SEMA6D: variants seen among roughly 807,000 people sequenced by gnomAD.
SEMA6D encodes semaphorin 6D.
Under a neutral mutation model 106.6 loss-of-function variants are expected in SEMA6D, and 35 were observed. The ratio of observed to expected loss-of-function variants is 0.33; its 90% CI spans 0.25 to 0.44. The LOEUF (loss-of-function observed/expected upper bound fraction) is 0.44, where lower values mean the gene tolerates loss of function less well. Among genes scored for constraint, SEMA6D ranks in the 20% least tolerant of loss-of-function variants. The probability of loss-of-function intolerance (pLI) is 1.00; values close to 1 mark genes in which losing one functional copy is unlikely to be tolerated. For missense variants in SEMA6D, 1,185 were observed against 1,345.9 expected (o/e 0.88, Z 1.87); for synonymous variants, 499 against 487.7 (o/e 1.02, Z -0.31).
chr15:47,285,909 T>C (rs1321117481), intron 1 of SEMA6D, among the ~76,000 whole-genome samples: 3 of 152,258 alleles, frequency 2.0e-5, no homozygotes, highest in Admixed American at 2.0e-4. Context: ...ACTAACTTAT[T>C]ACTAACATTT....
chr15:47,511,516 C>G lies in SEMA6D; in HGVS notation c.-87+40971C>G, dbSNP rs539015547. ...CTTCTCAGATCAGTTTTCACTACCC[C>G]CCTCCTGCCACATGTGTTAGGTTGC... is the stretch of plus-strand genomic sequence containing the variant. On this transcript the variant is annotated intron_variant, in intron 3 of 19. Transcript: ENST00000558014. Among the ~76,000 whole-genome samples, 11 of 152,228 alleles carry G rather than the reference C, an allele frequency of 7.2e-5. No individual in the cohort carries two copies. The East Asian group carries it at 9.7e-4, about 13-fold the overall frequency.
intron 1 of SEMA6D, among the ~76,000 whole-genome samples, chr15:47,297,463 G>T (rs2035850233): frequency 6.6e-6 from 1 of 152,046 alleles, no homozygotes; most frequent in Non-Finnish European, 1.5e-5. Flanking sequence ...CCACAAAAAT[G>T]TTCATAAAGA....
chr15:47,354,386 TGG>T (rs2038473595), intron 1 of SEMA6D, among the ~76,000 whole-genome samples: 5 of 107,552 alleles, frequency 4.6e-5, no homozygotes, highest in Non-Finnish European at 9.7e-5. Context: ...TATATATATA[TGG>T]AATATATATA....
chr15:47,258,397 C>T (rs2033912722), intron 1 of SEMA6D, among the ~76,000 whole-genome samples: 1 of 152,174 alleles, frequency 6.6e-6, no homozygotes, highest in African/African-American at 2.4e-5. Context: ...AAAAGGCTAG[C>T]ATTTGAATCA....
At position 47,763,969 on chromosome 15, in the gene SEMA6D, T is replaced by C; in HGVS notation, c.867T>C (p.Asp289=). The change falls in exon 10 of 19, where the codon GAT becomes GAC. Residue 289 remains aspartate, a synonymous_variant. Transcript: ENST00000536845. Reference sequence around the variant, plus strand: ...GGCTGAACTGTTCTGTCCCTGGAGATTCGTTTTTCTACTTTGATGTTCTGC... The same window carrying C: ...GGCTGAACTGTTCTGTCCCTGGAGACTCGTTTTTCTACTTTGATGTTCTGC... The part of the protein sequence containing the change: ...KARLNCSVPG[D]SFFYFDVLQS... The C allele has an allele frequency of 6.2e-7, 1 of 1,613,944 alleles. No homozygotes were observed.
In SEMA6D at chr15:47,348,727, C is replaced by CACAGAGAGAG. The variant is rs1450109233; in HGVS notation, c.-238-63665_-238-63664insCAGAGAGAGA. 1.1e-3 allele frequency among the ~76,000 whole-genome samples: 65 copies of CACAGAGAGAG among 57,114 alleles called. No homozygotes were observed. In the South Asian group the frequency reaches 0.013, roughly 12 times the overall value. 37.5% of individuals were successfully genotyped at this position (57,114 alleles called of 152,430 possible). On this transcript the variant is annotated intron_variant, in intron 1 of 19. Coordinates refer to the SEMA6D transcript ENST00000558014. ...CACACACACACACACACCACACACACAGAGAGAGAGAGAGAGAGAGAGAGA... is the reference window on the plus strand; with the variant it reads ...CACACACACACACACACCACACACACACAGAGAGAGAGAGAGAGAGAGAGAGAGAGAGAGA...
intron 1 of SEMA6D, among the ~76,000 whole-genome samples, chr15:47,408,208 G>A (rs529142865): frequency 5.3e-5 from 8 of 152,196 alleles, no homozygotes; most frequent in East Asian, 3.9e-4. Flanking sequence ...ATTGAGCCCC[G>A]TCTCTGCCAG....
intron 1 of SEMA6D, among the ~76,000 whole-genome samples, chr15:47,346,448 AC>A (rs200535926): frequency 0.012 from 1,845 of 152,176 alleles, 42 homozygotes; most frequent in African/African-American, 0.043. Context: ...AATCCCTAAA[AC>A]TTTTTCCATG....
At chr15:47,678,964 TCAG>T (rs1198762692) in intron 4 of SEMA6D, among the ~76,000 whole-genome samples, 26 of 152,336 alleles carry the variant, frequency 1.7e-4, no homozygotes, top group African/African-American at 6.0e-4. Context: ...ACTCCAAATG[TCAG>T]CTATTCATAA....
At chr15:47,653,446 A>G (rs2077730818) in intron 4 of SEMA6D, among the ~76,000 whole-genome samples, 1 of 152,190 alleles carries the variant, frequency 6.6e-6, no homozygotes, top group Admixed American at 6.5e-5. Flanking sequence ...GAAAATGCCA[A>G]CTCTTTCATA....
At chr15:47,232,146 G>T (rs1377585115) in intron 1 of SEMA6D, among the ~76,000 whole-genome samples, 1 of 151,936 alleles carries the variant, frequency 6.6e-6, no homozygotes, top group East Asian at 1.9e-4. Flanking sequence ...TTAACATAGT[G>T]TTTTGAAGGT....
At chr15:47,198,684 T>TGG (rs1433172666) in intron 1 of SEMA6D, among the ~76,000 whole-genome samples, 1 of 152,128 alleles carries the variant, frequency 6.6e-6, no homozygotes, top group Non-Finnish European at 1.5e-5. Context: ...CTCTTTTCTT[T>TGG]GGGGAGGATA....
chr15:47,429,762 A>T (rs1213199163), intron 2 of SEMA6D, among the ~76,000 whole-genome samples: 1 of 151,990 alleles, frequency 6.6e-6, no homozygotes, highest in African/African-American at 2.4e-5. Context: ...TAATATATAT[A>T]TTTTTTAAAA....
chr15:47,765,497 A>C, intron 13 of SEMA6D: 1 of 949,622 alleles, frequency 1.1e-6, no homozygotes, highest in Non-Finnish European at 1.3e-6. Context: ...AAAAACAAAT[A>C]AGAAATAGAA....
chr15:47,249,012 G>A (rs933388899), intron 1 of SEMA6D, among the ~76,000 whole-genome samples: 2 of 152,134 alleles, frequency 1.3e-5, no homozygotes, highest in Admixed American at 1.3e-4. Flanking sequence ...TGGATCACCT[G>A]AGGTCAGGGG....
At chr15:47,309,190 TC>T (rs1815784734) in intron 1 of SEMA6D, among the ~76,000 whole-genome samples, 1 of 152,190 alleles carries the variant, frequency 6.6e-6, no homozygotes, top group South Asian at 2.1e-4. Context: ...AGTTTCAGTT[TC>T]CCCATGTCAA....
intron 4 of SEMA6D, among the ~76,000 whole-genome samples, chr15:47,634,248 A>G (rs1232931184): frequency 6.6e-6 from 1 of 152,150 alleles, no homozygotes; most frequent in Non-Finnish European, 1.5e-5. Flanking sequence ...ATTGCAAATC[A>G]GTGGGGTGAA....
chr15:47,740,547 A>T (rs1446164521), intron 1 of SEMA6D, among the ~76,000 whole-genome samples: 1 of 152,058 alleles, frequency 6.6e-6, no homozygotes, highest in Non-Finnish European at 1.5e-5. Context: ...ACAAAAAAAC[A>T]TAGACAAGCC....
At chr15:47,312,232 T>C (rs1496909) in intron 1 of SEMA6D, among the ~76,000 whole-genome samples, 148,011 of 151,730 alleles carry the variant, frequency 0.98, 72,219 homozygotes, top group East Asian at 1. Context: ...CTTCTGTCTT[T>C]TTGTGTTTAG....
Sources: gnomAD v4.1 joint callset for allele counts (sites outside exome capture counted in the v4.1 genomes callset) on GRCh38, gnomAD v4.1.1 for gene constraint, MANE v1.5 for transcripts, NCBI Gene and HGNC (gene_info 2026-07-23, HGNC 2026-07-21) for gene names.